Variants in MITF observed in about 807,000 individuals in gnomAD.
MITF encodes the protein microphthalmia-associated transcription factor.
A neutral mutation model predicts 60.5 loss-of-function variants in MITF; 17 were observed. The ratio of observed to expected loss-of-function variants is 0.28; its 90% CI spans 0.19 to 0.42. The LOEUF (loss-of-function observed/expected upper bound fraction) is 0.42, where lower values mean the gene tolerates loss of function less well. Ranked by LOEUF, MITF falls within the 10% of genes least tolerant of loss-of-function variation. The pLI is 1.00. For synonymous variants in MITF, 260 were observed against 248.5 expected, an observed-to-expected ratio of 1.05 and a Z score of -0.43; for missense variants, 622 against 683.5, an observed-to-expected ratio of 0.91 and a Z score of 1.00.
chr3:69,933,132 T>C (rs1416445705), intron 2 of MITF, among the ~76,000 whole-genome samples: 2 of 151,940 alleles, frequency 1.3e-5, no homozygotes, highest in South Asian at 2.1e-4. Context: ...TGTGCCATGA[T>C]TGCACTTGTG....
intron 1 of MITF, among the ~76,000 whole-genome samples, chr3:69,815,376 C>T (rs11707719): frequency 4.0e-4 from 61 of 152,120 alleles, no homozygotes; most frequent in Non-Finnish European, 7.3e-4. Flanking sequence ...CTGCTTCTGC[C>T]ACTTCGGAGT....
intron 1 of MITF, among the ~76,000 whole-genome samples, chr3:69,774,989 C>A (rs967187417): frequency 6.6e-6 from 1 of 152,166 alleles, no homozygotes; most frequent in African/African-American, 2.4e-5. Context: ...CCTTCACACA[C>A]ATTCTTCCTG....
At chr3:69,811,735 C>A (rs975181532) in intron 1 of MITF, among the ~76,000 whole-genome samples, 1 of 152,172 alleles carries the variant, frequency 6.6e-6, no homozygotes, top group East Asian at 1.9e-4. Flanking sequence ...ATCTGGGAAG[C>A]ATAGAATGAC....
At chr3:69,856,480 TCAAA>T (rs1264166552) in intron 1 of MITF, among the ~76,000 whole-genome samples, 1 of 152,200 alleles carries the variant, frequency 6.6e-6, no homozygotes, top group Non-Finnish European at 1.5e-5. Flanking sequence ...CATATTAGCA[TCAAA>T]CAGAGACTTT....
chr3:69,919,016 G>A (rs553900074), intron 2 of MITF, among the ~76,000 whole-genome samples: 16 of 152,024 alleles, frequency 1.1e-4, no homozygotes, highest in Non-Finnish European at 2.2e-4. Context: ...ATCTTTCTCT[G>A]TCTCTTCTCG....
chr3:69,925,379 G>A (rs2065562679), intron 2 of MITF, among the ~76,000 whole-genome samples: 1 of 152,102 alleles, frequency 6.6e-6, no homozygotes, highest in Non-Finnish European at 1.5e-5. Flanking sequence ...TGTGTCCCAA[G>A]CAGGCATACG....
At chr3:69,931,322 T>G (rs1200489566) in intron 2 of MITF, among the ~76,000 whole-genome samples, 1 of 152,194 alleles carries the variant, frequency 6.6e-6, no homozygotes, top group Non-Finnish European at 1.5e-5. Context: ...AACCACATGT[T>G]CTTTTTATTA....
At chr3:69,820,994 T>A (rs911990925) in intron 1 of MITF, among the ~76,000 whole-genome samples, 3 of 152,110 alleles carry the variant, frequency 2.0e-5, no homozygotes, top group African/African-American at 7.2e-5. Context: ...TTTAAAAAAA[T>A]TTCAGCCTCG....
chr3:69,961,557 AAAAAAAG>A (rs1440857434), intron 9 of MITF, among the ~76,000 whole-genome samples: 1 of 151,026 alleles, frequency 6.6e-6, no homozygotes, highest in African/African-American at 2.4e-5. Flanking sequence ...ATACAAAAAA[AAAAAAAG>A]AAAAGAAAAG....
chr3:69,876,123 T>C (rs1182725347), intron 1 of MITF, among the ~76,000 whole-genome samples: 1 of 152,252 alleles, frequency 6.6e-6, no homozygotes, highest in Non-Finnish European at 1.5e-5. Context: ...TGTTGTCGAC[T>C]TTCACGTATG....
chr3:69,938,847 A>T, intron 3 of MITF: 1 of 1,417,294 alleles, frequency 7.1e-7, no homozygotes, highest in Non-Finnish European at 9.2e-7. Context: ...ATTGATTTTA[A>T]TTTCTAGAGG....
At chr3:69,878,687 G>A (rs942535044) in intron 1 of MITF, among the ~76,000 whole-genome samples, 1 of 151,896 alleles carries the variant, frequency 6.6e-6, no homozygotes, top group African/African-American at 2.4e-5. Context: ...AACATTTTAG[G>A]CATCTTCAAA....
At chr3:69,902,873 GAAAA>G (rs60852386) in intron 2 of MITF, among the ~76,000 whole-genome samples, 12 of 148,988 alleles carry the variant, frequency 8.1e-5, no homozygotes, top group African/African-American at 2.7e-4. Context: ...GTAAAATGCA[GAAAA>G]AAAAACCCAA....
chr3:69,821,508 CT>C (rs2063271248), intron 1 of MITF, among the ~76,000 whole-genome samples: 1 of 151,984 alleles, frequency 6.6e-6, no homozygotes, highest in African/African-American at 2.4e-5. Flanking sequence ...TTCAAGTTGG[CT>C]TCTCTGTTGC....
intron 2 of MITF, among the ~76,000 whole-genome samples, chr3:69,895,774 T>G (rs2064859836): frequency 6.6e-6 from 1 of 151,882 alleles, no homozygotes; most frequent in African/African-American, 2.4e-5. Flanking sequence ...AATACTAATT[T>G]TAATTCATTC....
At chr3:69,936,680 G>A (rs1378946458) in intron 2 of MITF, 2 of 1,612,600 alleles carry the variant, frequency 1.2e-6, no homozygotes, top group Non-Finnish European at 1.7e-6. Flanking sequence ...GGGAGGGATA[G>A]TCTACCGTCT....
chr3:69,850,661 A>G (rs1290277151), intron 1 of MITF, among the ~76,000 whole-genome samples: 1 of 152,190 alleles, frequency 6.6e-6, no homozygotes, highest in Non-Finnish European at 1.5e-5. Context: ...CTATGGTGCC[A>G]GGTGCAAGGC....
intron 2 of MITF, among the ~76,000 whole-genome samples, chr3:69,903,096 T>C (rs1012182446): frequency 6.6e-6 from 1 of 152,210 alleles, no homozygotes; most frequent in African/African-American, 2.4e-5. Flanking sequence ...TTAATTATTA[T>C]GAAACCATAG....
At chr3:69,846,152 CAGAGATCTAAATTAATTG>C (rs1461395317) in intron 1 of MITF, among the ~76,000 whole-genome samples, 2 of 102,026 alleles carry the variant, frequency 2.0e-5, no homozygotes, top group East Asian at 2.3e-4. Context: ...TTTTTTTTAA[CAGAGATCTAAATTAATTG>C]AGAGATCTAA....
Sources: allele counts gnomAD v4.1 joint callset (sites outside exome capture counted in the v4.1 genomes callset), GRCh38; gene constraint gnomAD v4.1.1; transcripts MANE v1.5; gene names NCBI Gene and HGNC (gene_info 2026-07-23, HGNC 2026-07-21).